TMEM260: variants seen among roughly 807,000 people sequenced by gnomAD.
The protein encoded by TMEM260 is protein O-mannosyl-transferase TMEM260.
TMEM260 carries 82 observed loss-of-function variants against 88.9 expected under a neutral mutation model. The ratio of observed to expected loss-of-function variants is 0.92; its 90% CI spans 0.77 to 1.11. The LOEUF (loss-of-function observed/expected upper bound fraction) is 1.11. Among genes scored for constraint, TMEM260 ranks in the 50% least tolerant of loss-of-function variants. The probability of loss-of-function intolerance (pLI) is 0.00; values close to 1 mark genes in which losing one functional copy is unlikely to be tolerated. For missense variants in TMEM260, 902 were observed against 853.4 expected, an observed-to-expected ratio of 1.06 and a Z score of -0.71; for synonymous variants, 314 against 309.3, an observed-to-expected ratio of 1.02 and a Z score of -0.16.
rs762053840 is a variant in TMEM260, at chr14:56,625,531, G to A, written c.1547+1G>A. The A allele has an allele frequency of 6.3e-7, 1 of 1,582,246 alleles. No individual in the cohort carries two copies. On this transcript the variant is annotated splice_donor_variant, in intron 12 of 15. Coordinates refer to ENST00000261556, the MANE Select transcript of TMEM260 (RefSeq NM_017799.4). LOFTEE classifies it high-confidence loss of function. ...ATCATTTTCTTGAAGTAAATAAACA[G>A]TAAGCATTCTTTTTATATAATAGCT...
chr14:56,642,201 A>G (rs1240410405), intron 15 of TMEM260, among the ~76,000 whole-genome samples: 1 of 152,232 alleles, frequency 6.6e-6, no homozygotes, highest in East Asian at 1.9e-4. Flanking sequence ...TCAACAGAAT[A>G]TACATTCTTC....
chr14:56,628,833 ATT>A (rs1337523290), intron 12 of TMEM260, among the ~76,000 whole-genome samples: 1 of 151,762 alleles, frequency 6.6e-6, no homozygotes, highest in Non-Finnish European at 1.5e-5. Flanking sequence ...TAATATAAAT[ATT>A]GATATGTTTA....
At chr14:56,611,953 G>C (rs1887306180) in intron 6 of TMEM260, among the ~76,000 whole-genome samples, 1 of 152,114 alleles carries the variant, frequency 6.6e-6, no homozygotes, top group Admixed American at 6.5e-5. Context: ...GCTAAACATT[G>C]AGTACACATG....
At chr14:56,583,990 T>TG (rs1885313800) in intron 1 of TMEM260, among the ~76,000 whole-genome samples, 2 of 145,846 alleles carry the variant, frequency 1.4e-5, no homozygotes, top group African/African-American at 5.1e-5. Context: ...ATCCAGCCTT[T>TG]TGTGTGTGTG....
In TMEM260 at chr14:56,647,751, C is replaced by G; in HGVS notation, c.*254C>G. On this transcript the variant is annotated 3_prime_UTR_variant, in exon 16 of 16. Coordinates refer to ENST00000261556, the MANE Select transcript of TMEM260 (RefSeq NM_017799.4). ...AAGCTTTTGAAAAGTCTTCTGACTTCCAGTCTTTCACCAGATGACTGCACT... is the reference window on the plus strand; with the variant it reads ...AAGCTTTTGAAAAGTCTTCTGACTTGCAGTCTTTCACCAGATGACTGCACT... 1 of 447,950 alleles carries G rather than the reference C, an allele frequency of 2.2e-6. No homozygotes were observed. The highest frequency in any genetic ancestry group is 3.9e-6 in the Non-Finnish European group (1 of 253,190). The allele number at this position is 447,950 out of a possible 1,614,324, so 27.7% of individuals were successfully genotyped here.
chr14:56,657,338 T>C, the TMEM260 span, among the ~76,000 whole-genome samples: 1 of 152,182 alleles, frequency 6.6e-6, no homozygotes, highest in Non-Finnish European at 1.5e-5. Flanking sequence ...AGGTGAGGTC[T>C]TCTATGTTGC....
intron 9 of TMEM260, among the ~76,000 whole-genome samples, chr14:56,617,590 A>AT (rs1268904174): frequency 1.3e-5 from 2 of 152,134 alleles, no homozygotes; most frequent in African/African-American, 4.8e-5. Context: ...TTCTCCTGGA[A>AT]TTTTTTTAAC....
chr14:56,628,770 T>C (rs1352364317), intron 12 of TMEM260, among the ~76,000 whole-genome samples: 2 of 152,176 alleles, frequency 1.3e-5, no homozygotes, highest in African/African-American at 4.8e-5. Flanking sequence ...TTGAGTCTTA[T>C]TTTACTATCT....
intron 3 of TMEM260, among the ~76,000 whole-genome samples, chr14:56,602,508 A>G (rs1886638408): frequency 1.3e-5 from 2 of 152,230 alleles, no homozygotes; most frequent in South Asian, 4.1e-4. Flanking sequence ...GGGTAGTCAT[A>G]AAGGATATGT....
chr14:56,618,664 T>G lies in TMEM260; in HGVS notation c.1127T>G (p.Val376Gly). The change falls in exon 10 of 16, where the codon GTG (valine) becomes GGG (glycine). Residue 376 changes from valine (V) to glycine (G), a missense_variant. Coordinates refer to ENST00000261556, the MANE Select transcript of TMEM260 (RefSeq NM_017799.4). ...GCTGGCATTGGTTTGGCTGCAGTTG[T>G]GTCTGAGACTAACCGAGTGCTGAAT... The part of the protein sequence containing the change: ...VLAGIGLAAV[V>G]SETNRVLNSN... 1 of 1,614,204 alleles carries G rather than the reference T, an allele frequency of 6.2e-7. No homozygotes were observed.
chr14:56,611,073 T>G (rs1427686901), intron 6 of TMEM260, among the ~76,000 whole-genome samples: 1 of 151,668 alleles, frequency 6.6e-6, no homozygotes, highest in Non-Finnish European at 1.5e-5. Flanking sequence ...TTCAAGTGAT[T>G]CTCCTGCCTC....
chr14:56,579,906 C>T lies in TMEM260; in HGVS notation c.-9C>T, dbSNP rs552056919. 1.9e-5 allele frequency: 24 copies of T among 1,233,264 alleles called. No homozygotes were observed. In the East Asian group the frequency reaches 6.9e-4, roughly 36 times the overall value. 76.4% of individuals were successfully genotyped at this position (1,233,264 alleles called of 1,614,324 possible). A position where few individuals can be genotyped will look rare whatever the true frequency, so the allele number is the denominator to read the frequency against. ...GGCCGTGTCCTTCTCCCTCGGTCGC[C>T]ACTGGCCCATGAGTCCCCATGGCGA... is the stretch of plus-strand genomic sequence containing the variant. On this transcript the variant is annotated 5_prime_UTR_variant, in exon 1 of 16. Transcript: ENST00000261556.
At chr14:56,613,515 AT>A (rs1887410707) in intron 7 of TMEM260, 2 of 152,126 alleles carry the variant, frequency 1.3e-5, no homozygotes, top group Non-Finnish European at 1.5e-5. Flanking sequence ...TAATGACTAT[AT>A]TTTTCTAATA....
At chr14:56,624,181 T>C (rs183509047) in intron 11 of TMEM260, among the ~76,000 whole-genome samples, 42 of 152,360 alleles carry the variant, frequency 2.8e-4, no homozygotes, top group African/African-American at 9.1e-4. Context: ...TTATTCATTA[T>C]AGATGAGCAT....
chr14:56,622,656 A>C (rs189828553), intron 11 of TMEM260, among the ~76,000 whole-genome samples: 323 of 152,274 alleles, frequency 2.1e-3, no homozygotes, highest in Admixed American at 4.5e-3. Flanking sequence ...TAAGCCATAG[A>C]TACATAAAAG....
intron 3 of TMEM260, among the ~76,000 whole-genome samples, chr14:56,602,958 A>G (rs1219530469): frequency 6.6e-6 from 1 of 152,212 alleles, no homozygotes; most frequent in African/African-American, 2.4e-5. Context: ...TAACACTATT[A>G]GAAATAGGCA....
chr14:56,625,802 C>T (rs780716942), intron 12 of TMEM260, among the ~76,000 whole-genome samples: 2 of 152,180 alleles, frequency 1.3e-5, no homozygotes, highest in South Asian at 4.1e-4. Context: ...GGAGATGTGC[C>T]TGCCTACTTG....
At chr14:56,623,490 C>G (rs1888056123) in intron 11 of TMEM260, among the ~76,000 whole-genome samples, 2 of 152,186 alleles carry the variant, frequency 1.3e-5, no homozygotes, top group Admixed American at 1.3e-4. Context: ...GTCATATACT[C>G]ACACCTAAAC....
intron 3 of TMEM260, among the ~76,000 whole-genome samples, chr14:56,587,356 G>GTT (rs1885570433): frequency 6.6e-6 from 1 of 151,816 alleles, no homozygotes; most frequent in South Asian, 2.1e-4. Context: ...ACTTTTCCAT[G>GTT]TTTTTCAACA....
Sources: gnomAD v4.1 joint callset for allele counts (sites outside exome capture counted in the v4.1 genomes callset) on GRCh38, gnomAD v4.1.1 for gene constraint, MANE v1.5 for transcripts, NCBI Gene and HGNC (gene_info 2026-07-23, HGNC 2026-07-21) for gene names.